SPAG17: variants seen among roughly 807,000 people sequenced by gnomAD.
The protein encoded by SPAG17 is sperm associated antigen 17.
SPAG17 carries 169 observed loss-of-function variants against 273.6 expected under a neutral mutation model. The ratio of observed to expected loss-of-function variants is 0.62; its 90% CI spans 0.55 to 0.70. SPAG17 has a LOEUF of 0.70. Ranked by LOEUF, SPAG17 falls within the 30% of genes least tolerant of loss-of-function variation. The pLI is 0.00. For synonymous variants in SPAG17, 825 were observed against 873.2 expected, an observed-to-expected ratio of 0.94 and a Z score of 0.97; for missense variants, 2,557 against 2,627.8, an observed-to-expected ratio of 0.97 and a Z score of 0.59.
In SPAG17 at chr1:118,025,405, T is replaced by C. The variant is rs1387284300; in HGVS notation, c.3742A>G (p.Ile1248Val). 2.6e-6 allele frequency: 4 copies of C among 1,568,242 alleles called. No individual in the cohort carries two copies. The highest frequency in any genetic ancestry group is 2.8e-5 in the African/African-American group (2 of 72,670). The change falls in exon 27 of 49, where the codon ATA (isoleucine) becomes GTA (valine). Residue 1248 changes from isoleucine (I) to valine (V), a missense_variant. Coordinates refer to ENST00000336338, the MANE Select transcript of SPAG17 (RefSeq NM_206996.4). ...IGQESTGQYV[I>V]DEEPTWDIMV... ...ATGTCCCAGGTGGGTTCCTCATCTA[T>C]AACATATTGACCTAAAAAAAGAATA...
chr1:118,051,262 G>A (rs1012910027), intron 20 of SPAG17, among the ~76,000 whole-genome samples: 3 of 152,078 alleles, frequency 2.0e-5, no homozygotes, highest in South Asian at 2.1e-4. Flanking sequence ...GGAGGATGTG[G>A]AGAAAAGAGA....
In SPAG17 at chr1:118,034,553, T is replaced by A. The variant is rs145976704; in HGVS notation, c.3433+2217A>T. Among the ~76,000 whole-genome samples, 390 of 152,310 alleles carry A rather than the reference T, an allele frequency of 2.6e-3. 4 individuals are homozygous for A. The highest frequency in any genetic ancestry group is 3.4e-3 in the Middle Eastern group (1 of 294). On this transcript the variant is annotated intron_variant, in intron 24 of 48. Transcript: ENST00000336338. ...TCTGGGAAGCATTTCTCAGAGCAAG[T>A]AACACCTCTATGCTGTAGCTTGCAG...
intron 32 of SPAG17, among the ~76,000 whole-genome samples, chr1:118,000,753 C>G (rs947071638): frequency 4.6e-5 from 7 of 152,184 alleles, no homozygotes; most frequent in Non-Finnish European, 1.0e-4. Flanking sequence ...AATATACAAT[C>G]ATGTCATCTG....
intron 17 of SPAG17, among the ~76,000 whole-genome samples, chr1:118,071,843 C>T (rs540336182): frequency 2.6e-4 from 40 of 151,756 alleles, no homozygotes; most frequent in Non-Finnish European, 5.4e-4. Context: ...CTAGCAGGTC[C>T]AACACCAGAG....
At chr1:118,012,035 A>G (rs900145477) in intron 30 of SPAG17, among the ~76,000 whole-genome samples, 193 bp downstream of exon 30, 22 of 152,094 alleles carry the variant, frequency 1.4e-4, no homozygotes, top group Non-Finnish European at 2.8e-4. Context: ...TATCAAAATA[A>G]GTAATGATGA....
intron 3 of SPAG17, among the ~76,000 whole-genome samples, chr1:118,144,409 T>G (rs771325981): frequency 3.4e-4 from 52 of 152,202 alleles, no homozygotes; most frequent in Non-Finnish European, 6.8e-4. Context: ...AGCATTACTA[T>G]TTCTCCTCTT....
intron 43 of SPAG17, among the ~76,000 whole-genome samples, chr1:117,975,111 T>G (rs1475322096): frequency 6.6e-6 from 1 of 152,162 alleles, no homozygotes; most frequent in Admixed American, 6.5e-5. Flanking sequence ...AATCAGAATC[T>G]TAGGCCTTTA....
chr1:118,013,890 C>T (rs981350082), intron 29 of SPAG17, among the ~76,000 whole-genome samples: 1 of 152,064 alleles, frequency 6.6e-6, no homozygotes, highest in Admixed American at 6.5e-5. Flanking sequence ...ACTATTATCT[C>T]CAGTTTATGA....
intron 8 of SPAG17, among the ~76,000 whole-genome samples, chr1:118,092,330 A>C (rs145057709): frequency 1.4e-3 from 211 of 152,180 alleles, no homozygotes; most frequent in African/African-American, 4.9e-3. Flanking sequence ...TCCCTCTCCC[A>C]ATCCTTCAGC....
chr1:118,045,782 C>T (rs1019005452), intron 20 of SPAG17, among the ~76,000 whole-genome samples: 2 of 152,106 alleles, frequency 1.3e-5, no homozygotes, highest in Non-Finnish European at 2.9e-5. Flanking sequence ...GAGGTCTGTG[C>T]TAACTCTGGG....
intron 31 of SPAG17, 140 bp downstream of exon 31, chr1:118,007,897 GAAGTATA>G: frequency 1.3e-6 from 1 of 780,876 alleles, no homozygotes; most frequent in Non-Finnish European, 2.0e-6. Flanking sequence ...AAGAGTTTGA[GAAGTATA>G]TTCTAAGATG....
chr1:118,170,483 G>C (rs7554462), intron 1 of SPAG17, among the ~76,000 whole-genome samples: 9,897 of 152,122 alleles, frequency 0.065, 474 homozygotes, highest in East Asian at 0.27. Flanking sequence ...GGAGTGGAAA[G>C]GTAGAAGTTC....
chr1:117,993,913 T>C (rs1175967845), intron 35 of SPAG17, among the ~76,000 whole-genome samples: 1 of 152,192 alleles, frequency 6.6e-6, no homozygotes, highest in Admixed American at 6.6e-5. Context: ...AATTACAATG[T>C]TTACTTTCTA....
chr1:118,081,276 C>G lies in SPAG17; in HGVS notation c.2034G>C (p.Leu678Phe). The change falls in exon 15 of 49, where the codon TTG becomes TTC. Residue 678 changes from leucine to phenylalanine, a missense_variant. By Grantham distance (22) the Leu-to-Phe change is conservative. Coordinates refer to ENST00000336338, the MANE Select transcript of SPAG17 (RefSeq NM_206996.4). ...TTTCATTATCTTGCACAGACATTGA[C>G]AAATTCTGATCCACAAATAGTGTTC... is the stretch of plus-strand genomic sequence containing the variant. The part of the protein sequence containing the change: ...KDRTLFVDQN[L>F]SMSVQDNESN... The G allele has an allele frequency of 6.2e-7, 1 of 1,614,024 alleles. No individual in the cohort carries two copies. Among genetic ancestry groups the G allele is most frequent in the Non-Finnish European group, 8.5e-7 (1 of 1,179,988 alleles).
intron 4 of SPAG17, among the ~76,000 whole-genome samples, chr1:118,110,550 T>TC (rs1211136937): frequency 1.3e-5 from 2 of 152,108 alleles, no homozygotes; most frequent in Non-Finnish European, 2.9e-5. Context: ...TTTAAGAGAT[T>TC]CCCCCAGAGA....
chr1:118,008,301 C>G (rs929352735), intron 30 of SPAG17, 103 bp from the exon 31 acceptor site: 35 of 1,361,048 alleles, frequency 2.6e-5, no homozygotes, highest in Non-Finnish European at 3.3e-5. Context: ...TCTGGATTCC[C>G]CATGGAAAAA....
At position 118,185,169 on chromosome 1, in the gene SPAG17, G is replaced by A. The variant is rs762194668; in HGVS notation, c.-12C>T. ...TTCTTGGGTGCCATGCAAAGGACGG[G>A]AGAAGCATTGGCCTCTAAACTGGGC... is the stretch of plus-strand genomic sequence containing the variant. On this transcript the variant is annotated 5_prime_UTR_variant, in exon 1 of 49. Coordinates refer to ENST00000336338, the MANE Select transcript of SPAG17 (RefSeq NM_206996.4). The A allele has an allele frequency of 3.7e-6, 6 of 1,608,412 alleles. No individual in the cohort carries two copies. The Admixed American group carries it at 8.3e-5, about 22-fold the overall frequency.
intron 17 of SPAG17, 27 bp from the exon 18 acceptor site, chr1:118,066,926 G>C (rs2102063251): frequency 1.3e-6 from 2 of 1,582,014 alleles, no homozygotes; most frequent in Non-Finnish European, 1.7e-6. Context: ...TTGCATTGTA[G>C]AATCTTTTTT....
intron 48 of SPAG17, chr1:117,954,657 G>A: frequency 6.2e-7 from 1 of 1,602,426 alleles, no homozygotes; most frequent in Admixed American, 1.7e-5. Flanking sequence ...GTTTTCCTTT[G>A]TTTATTAAAA....
Sources: gnomAD v4.1 joint callset for allele counts (sites outside exome capture counted in the v4.1 genomes callset) on GRCh38, gnomAD v4.1.1 for gene constraint, MANE v1.5 for transcripts, NCBI Gene and HGNC (gene_info 2026-07-23, HGNC 2026-07-21) for gene names.